The following CNTN5 variants were observed in gnomAD, a reference collection of about 807,000 sequenced individuals.
The protein encoded by CNTN5 is contactin 5.
Under a neutral mutation model 129.1 loss-of-function variants are expected in CNTN5, and 77 were observed. The ratio of observed to expected loss-of-function variants is 0.60; its 90% CI spans 0.50 to 0.72. The LOEUF (loss-of-function observed/expected upper bound fraction) is 0.72. Among genes scored for constraint, CNTN5 ranks in the 30% least tolerant of loss-of-function variants. The pLI, the probability that CNTN5 is intolerant of heterozygous loss-of-function variation, is 0.00. For synonymous variants in CNTN5, 509 were observed against 465.6 expected, an observed-to-expected ratio of 1.09 and a Z score of -1.20; for missense variants, 1,478 against 1,328.8, an observed-to-expected ratio of 1.11 and a Z score of -1.75.
chr11:99,975,538 T>C (rs1937892041), intron 8 of CNTN5, among the ~76,000 whole-genome samples: 1 of 152,214 alleles, frequency 6.6e-6, no homozygotes. Flanking sequence ...AAAAGAGGTT[T>C]AATTGACTCA....
At chr11:99,112,958 A>T (rs1421333735) in intron 1 of CNTN5, among the ~76,000 whole-genome samples, 1 of 152,014 alleles carries the variant, frequency 6.6e-6, no homozygotes, top group Non-Finnish European at 1.5e-5. Flanking sequence ...GGTGAGATTT[A>T]CAAATGGCAT....
chr11:100,121,352 T>A (rs1171143230), intron 13 of CNTN5, among the ~76,000 whole-genome samples: 1 of 152,100 alleles, frequency 6.6e-6, no homozygotes, highest in Non-Finnish European at 1.5e-5. Context: ...CAGATTTTAA[T>A]CTTCCTTCCT....
intron 2 of CNTN5, among the ~76,000 whole-genome samples, chr11:99,520,349 TTC>T (rs1375222930): frequency 6.6e-6 from 1 of 152,130 alleles, no homozygotes; most frequent in Non-Finnish European, 1.5e-5. Flanking sequence ...CTCATTTTTA[TTC>T]TCTTTGTACT....
chr11:100,243,834 T>C (rs562066693), intron 16 of CNTN5, among the ~76,000 whole-genome samples: 1 of 152,278 alleles, frequency 6.6e-6, no homozygotes, highest in South Asian at 2.1e-4. Flanking sequence ...CTCTTCAGTC[T>C]CCAAATTAGC....
At chr11:99,204,733 A>T (rs1415514264) in intron 1 of CNTN5, among the ~76,000 whole-genome samples, 1 of 152,158 alleles carries the variant, frequency 6.6e-6, no homozygotes, top group Non-Finnish European at 1.5e-5. Context: ...AAAGTTAAGT[A>T]AATGGCCTTC....
At chr11:100,241,641 T>C (rs1206392143) in intron 16 of CNTN5, among the ~76,000 whole-genome samples, 1 of 152,186 alleles carries the variant, frequency 6.6e-6, no homozygotes, top group Non-Finnish European at 1.5e-5. Flanking sequence ...GACAATCACA[T>C]ATTCACAAAT....
At chr11:99,503,420 G>C (rs1946498949) in intron 2 of CNTN5, among the ~76,000 whole-genome samples, 1 of 152,162 alleles carries the variant, frequency 6.6e-6, no homozygotes, top group Non-Finnish European at 1.5e-5. Flanking sequence ...AGATATGCTA[G>C]ATTCTCAGCC....
At chr11:99,672,895 A>G (rs1178222160) in intron 3 of CNTN5, among the ~76,000 whole-genome samples, 2 of 152,108 alleles carry the variant, frequency 1.3e-5, no homozygotes, top group Non-Finnish European at 2.9e-5. Flanking sequence ...AAAAAGTGGA[A>G]GGGAAATTTA....
chr11:99,536,660 T>C (rs1417778001), intron 2 of CNTN5, among the ~76,000 whole-genome samples: 1 of 152,046 alleles, frequency 6.6e-6, no homozygotes, highest in African/African-American at 2.4e-5. Flanking sequence ...ATAGCTACTG[T>C]GTTCTAGGCA....
chr11:100,283,299 A>C (rs894520416), intron 18 of CNTN5, among the ~76,000 whole-genome samples: 1 of 152,170 alleles, frequency 6.6e-6, no homozygotes, highest in African/African-American at 2.4e-5. Flanking sequence ...CTGGTATCCA[A>C]GAAGCAAGAA....
intron 3 of CNTN5, among the ~76,000 whole-genome samples, chr11:99,794,716 A>G (rs1021075542): frequency 6.6e-6 from 1 of 152,190 alleles, no homozygotes. Context: ...TCTTGGTTGG[A>G]AATTATTTTC....
At chr11:99,444,004 C>T (rs1340138420) in intron 2 of CNTN5, among the ~76,000 whole-genome samples, 1 of 152,068 alleles carries the variant, frequency 6.6e-6, no homozygotes, top group African/African-American at 2.4e-5. Context: ...TCGAGACCAG[C>T]CTGGCCAACA....
At chr11:99,268,473 A>G (rs1234215204) in intron 1 of CNTN5, among the ~76,000 whole-genome samples, 1 of 151,820 alleles carries the variant, frequency 6.6e-6, no homozygotes, top group East Asian at 1.9e-4. Flanking sequence ...AAATTATAAA[A>G]GCATTATTGA....
chr11:99,989,723 A>G (rs1264598476), intron 8 of CNTN5, among the ~76,000 whole-genome samples: 1 of 152,188 alleles, frequency 6.6e-6, no homozygotes, highest in East Asian at 1.9e-4. Context: ...CACTTAAAGT[A>G]AATATTTAAC....
At chr11:99,399,588 T>C (rs1402329005) in intron 2 of CNTN5, among the ~76,000 whole-genome samples, 2 of 120,734 alleles carry the variant, frequency 1.7e-5, no homozygotes, top group Non-Finnish European at 1.7e-5. Flanking sequence ...ATATATGCAA[T>C]GGTATATAAG....
chr11:99,071,516 T>C (rs1865340203), intron 1 of CNTN5, among the ~76,000 whole-genome samples: 2 of 152,140 alleles, frequency 1.3e-5, no homozygotes. Flanking sequence ...GGGAAACATT[T>C]TAAAAAGACT....
At position 99,241,913 on chromosome 11, in the gene CNTN5, G is replaced by T. The variant is rs552629573; in HGVS notation, c.-209-83433G>T. On this transcript the variant is annotated intron_variant, in intron 1 of 24. Transcript: ENST00000524871. ...AATATATGTGTCTTTGATGATGGAGGAATACAGCACACACACATACATACA... is the reference window on the plus strand; with the variant it reads ...AATATATGTGTCTTTGATGATGGAGTAATACAGCACACACACATACATACA... Among the ~76,000 whole-genome samples, 208 of 151,970 alleles carry T rather than the reference G, an allele frequency of 1.4e-3. 1 individual carries two copies. Among genetic ancestry groups the T allele is most frequent in the African/African-American group, 4.9e-3 (202 of 41,472 alleles).
At chr11:100,295,264 C>T (rs1057093373) in intron 18 of CNTN5, among the ~76,000 whole-genome samples, 4 of 151,402 alleles carry the variant, frequency 2.6e-5, no homozygotes, top group South Asian at 2.1e-4. Context: ...GAAAACCTCA[C>T]GGAGCTGATT....
In CNTN5 at chr11:99,108,956, A is replaced by T. The variant is rs141052748; in HGVS notation, c.-210+87686A>T. ...ATACTTAATTAGTATTTAACTTGGA[A>T]TATTTATTAAGCATATATATACAAA... On this transcript the variant is annotated intron_variant, in intron 1 of 24. Transcript: ENST00000524871. Among the ~76,000 whole-genome samples, 156 of 151,958 alleles carry T rather than the reference A, an allele frequency of 1.0e-3. 1 individual carries two copies. The highest frequency in any genetic ancestry group is 3.6e-3 in the African/African-American group (151 of 41,468).
Sources: allele counts gnomAD v4.1 joint callset (sites outside exome capture counted in the v4.1 genomes callset), GRCh38; gene constraint gnomAD v4.1.1; transcripts MANE v1.5; gene names NCBI Gene and HGNC (gene_info 2026-07-23, HGNC 2026-07-21).